The following CSMD1 variants were observed in gnomAD, a reference collection of about 807,000 sequenced individuals.
CSMD1 encodes CUB and sushi domain-containing protein 1.
Under a neutral mutation model 417.5 loss-of-function variants are expected in CSMD1, and 213 were observed. The observed-to-expected ratio is 0.51, with a 90% CI of 0.46 to 0.57. The LOEUF (loss-of-function observed/expected upper bound fraction) is 0.57, where lower values mean the gene tolerates loss of function less well. Among genes scored for constraint, CSMD1 ranks in the 20% least tolerant of loss-of-function variants. CSMD1 has a pLI of 0.00. For missense variants in CSMD1, 6,923 were observed against 4,529.7 expected (o/e 1.53, Z -15.17); for synonymous variants, 2,862 against 1,736.8 (o/e 1.65, Z -16.11).
intron 1 of CSMD1, among the ~76,000 whole-genome samples, chr8:4,683,314 G>T (rs1221762420): frequency 6.6e-6 from 1 of 152,092 alleles, no homozygotes; most frequent in Non-Finnish European, 1.5e-5. Flanking sequence ...ACATTTAATA[G>T]TAAATGCATT....
chr8:4,898,583 C>A (rs1303050066), intron 1 of CSMD1, among the ~76,000 whole-genome samples: 1 of 152,122 alleles, frequency 6.6e-6, no homozygotes, highest in Non-Finnish European at 1.5e-5. Flanking sequence ...CAAATCATAT[C>A]CTAGTTCTTT....
intron 1 of CSMD1, among the ~76,000 whole-genome samples, chr8:4,732,209 T>A (rs1809927651): frequency 6.6e-6 from 1 of 152,160 alleles, no homozygotes; most frequent in Non-Finnish European, 1.5e-5. Flanking sequence ...CTCAGATGTA[T>A]CAGACCCCAT....
chr8:3,292,266 G>A (rs148487358), intron 25 of CSMD1, among the ~76,000 whole-genome samples: 1,539 of 152,192 alleles, frequency 0.01, 24 homozygotes, highest in African/African-American at 0.035. Flanking sequence ...CAGTTTTGGA[G>A]TAGGTGTGGT....
chr8:4,444,802 C>A (rs960278958), intron 2 of CSMD1, among the ~76,000 whole-genome samples: 1 of 152,174 alleles, frequency 6.6e-6, no homozygotes, highest in Non-Finnish European at 1.5e-5. Flanking sequence ...TCCAGATAAT[C>A]AGATGCTTGT....
chr8:3,745,044 G>A (rs1385509093), intron 6 of CSMD1, among the ~76,000 whole-genome samples: 1 of 152,130 alleles, frequency 6.6e-6, no homozygotes, highest in Non-Finnish European at 1.5e-5. Flanking sequence ...ATCATCTGAT[G>A]CAAATAATTC....
chr8:4,113,745 C>A (rs1345569179), intron 3 of CSMD1, among the ~76,000 whole-genome samples: 5 of 152,164 alleles, frequency 3.3e-5, no homozygotes, highest in South Asian at 2.1e-4. Flanking sequence ...GAAAATGAAA[C>A]AGCCTTATTG....
chr8:3,712,398 G>GAC (rs1554519078), intron 6 of CSMD1, among the ~76,000 whole-genome samples: 7 of 28,868 alleles, frequency 2.4e-4, no homozygotes, highest in East Asian at 1.9e-3. Context: ...GAGAGAGAGA[G>GAC]AGACAGACAG....
At chr8:4,849,773 A>G (rs951431322) in intron 1 of CSMD1, among the ~76,000 whole-genome samples, 1 of 152,190 alleles carries the variant, frequency 6.6e-6, no homozygotes, top group Non-Finnish European at 1.5e-5. Flanking sequence ...GGTTTTAGTA[A>G]GTGCACTCAA....
At chr8:3,949,184 T>A (rs113215331) in intron 5 of CSMD1, among the ~76,000 whole-genome samples, 1,629 of 152,328 alleles carry the variant, frequency 0.011, 34 homozygotes, top group African/African-American at 0.037. Flanking sequence ...TTGCTTTACA[T>A]CCTTATCATT....
In CSMD1 at chr8:4,576,090, T is replaced by C. The variant is rs114057395; in HGVS notation, c.302+61252A>G. ...ACCAGTGCTCCACATGCCAGCATAA[T>C]TGACCATTCAACCTCCTCTTTATTG... On this transcript the variant is annotated intron_variant, in intron 2 of 69. Transcript: ENST00000635120. Among the ~76,000 whole-genome samples the C allele has an allele frequency of 4.5e-3, 681 of 152,360 alleles. 7 individuals are homozygous for C. The highest frequency in any genetic ancestry group is 0.015 in the African/African-American group (615 of 41,584).
chr8:4,446,299 C>T (rs528682832), intron 2 of CSMD1, among the ~76,000 whole-genome samples: 1 of 152,164 alleles, frequency 6.6e-6, no homozygotes, highest in Non-Finnish European at 1.5e-5. Flanking sequence ...CGTAATCCTG[C>T]TTCTTTGGGA....
At chr8:3,695,886 T>G (rs1265070740) in intron 7 of CSMD1, among the ~76,000 whole-genome samples, 1 of 152,242 alleles carries the variant, frequency 6.6e-6, no homozygotes, top group African/African-American at 2.4e-5. Context: ...GTATATTCAT[T>G]GTACTCATTT....
intron 7 of CSMD1, among the ~76,000 whole-genome samples, chr8:3,687,312 G>C (rs992136822): frequency 2.6e-5 from 4 of 152,158 alleles, no homozygotes; most frequent in African/African-American, 7.2e-5. Context: ...GGATGAAAAG[G>C]TGATCTGCTC....
At chr8:3,124,874 A>G (rs1036121764) in intron 41 of CSMD1, among the ~76,000 whole-genome samples, 1 of 152,238 alleles carries the variant, frequency 6.6e-6, no homozygotes, top group Non-Finnish European at 1.5e-5. Flanking sequence ...TATCTCAAGA[A>G]TTTAAAATGC....
At chr8:3,809,494 G>C (rs541059437) in intron 5 of CSMD1, among the ~76,000 whole-genome samples, 94 of 152,290 alleles carry the variant, frequency 6.2e-4, no homozygotes, top group African/African-American at 2.1e-3. Flanking sequence ...TGATCCTTCA[G>C]TTTCCTTTTA....
At chr8:4,211,225 A>T (rs573048191) in intron 3 of CSMD1, among the ~76,000 whole-genome samples, 3 of 152,032 alleles carry the variant, frequency 2.0e-5, no homozygotes, top group South Asian at 2.1e-4. Flanking sequence ...TAGCTGGCAT[A>T]AATTAAGCAC....
chr8:4,570,962 T>C (rs953005935), intron 2 of CSMD1, among the ~76,000 whole-genome samples: 3 of 152,222 alleles, frequency 2.0e-5, no homozygotes, highest in Non-Finnish European at 4.4e-5. Context: ...GGTGGTACTT[T>C]GTATTTCTGT....
chr8:3,051,996 A>T (rs1811851518), intron 50 of CSMD1, among the ~76,000 whole-genome samples: 1 of 152,234 alleles, frequency 6.6e-6, no homozygotes, highest in African/African-American at 2.4e-5. Flanking sequence ...TTTACTGAGC[A>T]TCGATGTGTT....
intron 3 of CSMD1, among the ~76,000 whole-genome samples, chr8:4,275,386 G>A (rs1437173160): frequency 6.6e-6 from 1 of 152,028 alleles, no homozygotes; most frequent in Non-Finnish European, 1.5e-5. Flanking sequence ...CATCTTTAAT[G>A]TTTTAAAGGA....
Sources: allele counts gnomAD v4.1 joint callset (sites outside exome capture counted in the v4.1 genomes callset), GRCh38; gene constraint gnomAD v4.1.1; transcripts MANE v1.5; gene names NCBI Gene and HGNC (gene_info 2026-07-23, HGNC 2026-07-21).